NLK: variants seen among roughly 807,000 people sequenced by gnomAD.
NLK encodes the protein nemo like kinase.
Under a neutral mutation model 59.0 loss-of-function variants are expected in NLK, and 11 were observed. That is an observed-to-expected ratio of 0.19 (90% CI 0.12 to 0.31). The LOEUF is 0.31. NLK is among the 10% of genes least tolerant of loss of function. The pLI is 1.00. For synonymous variants in NLK, 235 were observed against 235.9 expected (o/e 1.00, Z 0.03); for missense variants, 410 against 661.1 (o/e 0.62, Z 4.16).
intron 1 of NLK, among the ~76,000 whole-genome samples, chr17:28,094,667 G>A (rs142709375): frequency 1.8e-3 from 275 of 152,220 alleles, no homozygotes; most frequent in African/African-American, 6.2e-3. Context: ...GTGGTGGGGA[G>A]GAGAGACAAA....
chr17:28,181,924 C>T (rs985774260), intron 7 of NLK, among the ~76,000 whole-genome samples: 1 of 152,094 alleles, frequency 6.6e-6, no homozygotes, highest in Non-Finnish European at 1.5e-5. Context: ...GTAGCAAGAT[C>T]GCTTGAGCCT....
chr17:28,145,861 A>G (rs988489929), intron 3 of NLK, among the ~76,000 whole-genome samples: 7 of 152,198 alleles, frequency 4.6e-5, no homozygotes, highest in African/African-American at 1.4e-4. Context: ...GCCCGCAACC[A>G]CACCTGGCTA....
intron 3 of NLK, among the ~76,000 whole-genome samples, chr17:28,149,427 A>T (rs1907392029): frequency 1.3e-5 from 2 of 152,204 alleles, no homozygotes; most frequent in African/African-American, 4.8e-5. Context: ...TGTTTTTCAT[A>T]CAGTATAGAT....
chr17:28,205,713 T>C, the NLK span, among the ~76,000 whole-genome samples: 5 of 152,334 alleles, frequency 3.3e-5, no homozygotes, highest in East Asian at 5.8e-4. Flanking sequence ...ACCACTGTTT[T>C]ACACTCTGTT....
At chr17:28,104,324 G>A (rs569975708) in intron 1 of NLK, among the ~76,000 whole-genome samples, 3 of 152,046 alleles carry the variant, frequency 2.0e-5, no homozygotes, top group Non-Finnish European at 2.9e-5. Flanking sequence ...GTGCAATCTC[G>A]GCTCACTGCA....
chr17:28,128,063 A>C (rs940308285), intron 2 of NLK, among the ~76,000 whole-genome samples: 1 of 152,220 alleles, frequency 6.6e-6, no homozygotes, highest in Non-Finnish European at 1.5e-5. Context: ...TGAGATATCC[A>C]TATTAAAAAA....
At chr17:28,105,891 G>A (rs1905062442) in intron 1 of NLK, among the ~76,000 whole-genome samples, 1 of 152,210 alleles carries the variant, frequency 6.6e-6, no homozygotes, top group African/African-American at 2.4e-5. Flanking sequence ...CAAAGCCATA[G>A]CCCTGTGTCA....
At chr17:28,090,207 A>G (rs1904438120) in intron 1 of NLK, among the ~76,000 whole-genome samples, 1 of 152,150 alleles carries the variant, frequency 6.6e-6, no homozygotes, top group Admixed American at 6.5e-5. Context: ...ATACTATTTT[A>G]TGCATAGCAT....
chr17:28,179,657 C>T (rs554452324), intron 7 of NLK, among the ~76,000 whole-genome samples: 1 of 152,144 alleles, frequency 6.6e-6, no homozygotes, highest in Admixed American at 6.5e-5. Flanking sequence ...TTGCTTGAAC[C>T]TGGGAGGCAG....
Position 28,125,249 on chromosome 17 carries a change from A to G in NLK, c.588+2517A>G, listed in dbSNP as rs556128273. Among the ~76,000 whole-genome samples, 17 of 152,304 alleles carry G rather than the reference A, an allele frequency of 1.1e-4. No individual in the cohort carries two copies. The East Asian group carries it at 3.3e-3, about 29-fold the overall frequency. On this transcript the variant is annotated intron_variant, in intron 2 of 10. Coordinates refer to ENST00000407008, the MANE Select transcript of NLK (RefSeq NM_016231.5). ...AAAGGGAGTAGTGTAAGAAAAATAA[A>G]CTGAATTTGTGAAAATCACACCAAT...
Position 28,185,275 on chromosome 17 carries a change from G to GTT in NLK, c.1236+18_1236+19dup, listed in dbSNP as rs768066594. The GTT allele has an allele frequency of 1.2e-5, 17 of 1,477,116 alleles. No homozygotes were observed. The highest frequency in any genetic ancestry group is 2.1e-5 in the Admixed American group (1 of 46,976). The allele number at this position is 1,477,116 out of a possible 1,614,324, so 91.5% of individuals were successfully genotyped here. A position where few individuals can be genotyped will look rare whatever the true frequency, so the allele number is the denominator to read the frequency against. ...GTTGGTCTTTGATCCAGTAAGTAGT[G>GTT]TTTTTTTTTATATATTTTTAATGAA... is the stretch of plus-strand genomic sequence containing the variant. On this transcript the variant is annotated intron_variant, in intron 8 of 10. Transcript: ENST00000407008.
At chr17:28,092,139 C>A (rs1904516246) in intron 1 of NLK, among the ~76,000 whole-genome samples, 2 of 152,046 alleles carry the variant, frequency 1.3e-5, no homozygotes, top group Non-Finnish European at 2.9e-5. Context: ...CTTCCCATTT[C>A]TAATGGTAAG....
chr17:28,055,515 T>G (rs1303873346), intron 1 of NLK, among the ~76,000 whole-genome samples: 2 of 152,030 alleles, frequency 1.3e-5, no homozygotes, highest in Non-Finnish European at 2.9e-5. Context: ...TTTTTATTTT[T>G]TAAGAGGTGG....
At position 28,112,842 on chromosome 17, in the gene NLK, A is replaced by G. The variant is rs1905584163; in HGVS notation, c.459-9761A>G. Among the ~76,000 whole-genome samples, 4 of 152,110 alleles carry G rather than the reference A, an allele frequency of 2.6e-5. No homozygotes were observed. The South Asian group carries it at 8.3e-4, about 32-fold the overall frequency. On this transcript the variant is annotated intron_variant, in intron 1 of 10. Coordinates refer to ENST00000407008, the MANE Select transcript of NLK (RefSeq NM_016231.5). ...AGCGCTTTCCTGTGGAATGCTTCCT[A>G]ATAATGTATTCTTGTGTAATGATGA... is the stretch of plus-strand genomic sequence containing the variant.
chr17:28,129,133 A>C (rs1906411377), intron 2 of NLK, among the ~76,000 whole-genome samples: 1 of 152,174 alleles, frequency 6.6e-6, no homozygotes, highest in Non-Finnish European at 1.5e-5. Context: ...AGAAGTAAAA[A>C]CAGTGCCAGG....
chr17:28,046,288 T>C (rs1395144568), intron 1 of NLK, among the ~76,000 whole-genome samples: 1 of 152,238 alleles, frequency 6.6e-6, no homozygotes, highest in African/African-American at 2.4e-5. Context: ...TGTGTAAAAG[T>C]AGTGAATTAC....
At chr17:28,086,658 G>A (rs1382216584) in intron 1 of NLK, among the ~76,000 whole-genome samples, 1 of 151,196 alleles carries the variant, frequency 6.6e-6, no homozygotes, top group African/African-American at 2.4e-5. Context: ...ATCTCATGAG[G>A]TTGCATTTCC....
chr17:28,064,174 CTT>C (rs66949112), intron 1 of NLK, among the ~76,000 whole-genome samples: 8 of 99,602 alleles, frequency 8.0e-5, no homozygotes, highest in Admixed American at 1.2e-4. Flanking sequence ...AGTTAGCAAA[CTT>C]TTTTTTTTTT....
rs149498586 is a variant in NLK, at chr17:28,104,288, G to A, written c.459-18315G>A. On this transcript the variant is annotated intron_variant, in intron 1 of 10. Coordinates refer to ENST00000407008, the MANE Select transcript of NLK (RefSeq NM_016231.5). ...TTTTGTTTTTTTGAGACCGAGTCTC[G>A]CTGTCGCCCAGGCTAGAGTGCAGTG... is the stretch of plus-strand genomic sequence containing the variant. 1.3e-3 allele frequency among the ~76,000 whole-genome samples: 205 copies of A among 152,148 alleles called. 1 individual carries two copies. The highest frequency in any genetic ancestry group is 4.6e-3 in the African/African-American group (191 of 41,522).
Sources: allele counts gnomAD v4.1 joint callset (sites outside exome capture counted in the v4.1 genomes callset), GRCh38; gene constraint gnomAD v4.1.1; transcripts MANE v1.5; gene names NCBI Gene and HGNC (gene_info 2026-07-23, HGNC 2026-07-21).